MADD: variants seen among roughly 807,000 people sequenced by gnomAD.
MADD encodes MAP kinase activating death domain.
Under a neutral mutation model 176.7 loss-of-function variants are expected in MADD, and 109 were observed. The observed-to-expected ratio is 0.62, with a 90% CI of 0.53 to 0.72. The LOEUF (loss-of-function observed/expected upper bound fraction) is 0.72. Among genes scored for constraint, MADD ranks in the 30% least tolerant of loss-of-function variants. The pLI, the probability that MADD is intolerant of heterozygous loss-of-function variation, is 0.00. For synonymous variants in MADD, 771 were observed against 771.3 expected (o/e 1.00, Z 0.01); for missense variants, 1,914 against 2,045.5 (o/e 0.94, Z 1.24).
intron 27 of MADD, among the ~76,000 whole-genome samples, chr11:47,317,485 T>C (rs2141485622): frequency 6.6e-6 from 1 of 152,344 alleles, no homozygotes; most frequent in East Asian, 1.9e-4. Context: ...ACATTCTAGA[T>C]TTTTTGCTGA....
At chr11:47,290,666 G>A in exon 19 of MADD, 1 of 1,614,116 alleles carries the variant, frequency 6.2e-7, no homozygotes, top group South Asian at 1.1e-5. Context: ...AGTTGGCAAG[G>A]ATCCTGGCCT....
At chr11:47,328,331 C>G in intron 31 of MADD, 1 of 1,267,680 alleles carries the variant, frequency 7.9e-7, no homozygotes, top group Non-Finnish European at 1.0e-6. Flanking sequence ...GGGCCCTGGA[C>G]AGTAGCTGTG....
intron 26 of MADD, among the ~76,000 whole-genome samples, chr11:47,313,238 C>T (rs2090895284): frequency 6.6e-6 from 1 of 152,070 alleles, no homozygotes; most frequent in African/African-American, 2.4e-5. Context: ...ATTTTTTAAA[C>T]ATTGATTTAA....
At chr11:47,295,185 T>C (rs1314957978) in intron 20 of MADD, among the ~76,000 whole-genome samples, 1 of 152,006 alleles carries the variant, frequency 6.6e-6, no homozygotes, top group East Asian at 1.9e-4. Flanking sequence ...TAAGTTTGTG[T>C]ATTTTTTGTA....
chr11:47,285,481 G>T, exon 14 of MADD: 3 of 1,614,200 alleles, frequency 1.9e-6, no homozygotes, highest in Non-Finnish European at 2.5e-6. Flanking sequence ...CCAACAGCTT[G>T]AGACTGGCAA....
chr11:47,287,782 A>ATTTTTTTTTTTTTTTTTTTTTTTTTT (rs57417064), intron 15 of MADD, among the ~76,000 whole-genome samples: 1 of 55,032 alleles, frequency 1.8e-5, no homozygotes, highest in Non-Finnish European at 3.2e-5. Context: ...AGAAACATGT[A>ATTTTTTTTTTTTTTTTTTTTTTTTTT]TTTTTTTTTT....
At chr11:47,304,280 G>A (rs976649791) in intron 22 of MADD, among the ~76,000 whole-genome samples, 11 of 151,168 alleles carry the variant, frequency 7.3e-5, no homozygotes, top group African/African-American at 2.4e-4. Context: ...GCCTAGGCTG[G>A]AATGCAATGG....
At position 47,295,877 on chromosome 11, in the gene MADD, C is replaced by T. The variant is rs368079549; in HGVS notation, c.3484-20C>T. Reference sequence around the variant, plus strand: ...GCCCATCCCTGGGGACTGTCTCTTACTACCTTTTTTCCTTTCCAGGTGAGT... The same window carrying T: ...GCCCATCCCTGGGGACTGTCTCTTATTACCTTTTTTCCTTTCCAGGTGAGT... On this transcript the variant is annotated intron_variant, in intron 21 of 32. Transcript: ENST00000402192. 6.2e-7 allele frequency: 1 copy of T among 1,605,834 alleles called. No homozygotes were observed. The highest frequency in any genetic ancestry group is 1.1e-5 in the South Asian group (1 of 89,676).
Position 47,292,754 on chromosome 11 carries a change from G to A in MADD, c.3302-1129G>A, listed in dbSNP as rs149497575. ...TAGGTAGCATGTGACTCCTAGGTGTGTGTAGGCCGCTTCTTTCCCCCTCCC... is the reference window on the plus strand; with the variant it reads ...TAGGTAGCATGTGACTCCTAGGTGTATGTAGGCCGCTTCTTTCCCCCTCCC... On this transcript the variant is annotated intron_variant, in intron 19 of 32. Coordinates refer to ENST00000402192, the Ensembl canonical transcript of MADD. 2.2e-3 allele frequency among the ~76,000 whole-genome samples: 332 copies of A among 152,156 alleles called. 3 individuals are homozygous for A. The highest frequency in any genetic ancestry group is 7.5e-3 in the African/African-American group (313 of 41,494).
exon 26 of MADD, chr11:47,311,829 A>T: frequency 6.2e-7 from 1 of 1,612,954 alleles, no homozygotes; most frequent in Non-Finnish European, 8.5e-7. Flanking sequence ...GTGCTTGATC[A>T]GCTGGCGAAC....
chr11:47,285,579 T>C (rs1238388315), exon 14 of MADD: 2 of 1,614,014 alleles, frequency 1.2e-6, no homozygotes, highest in Admixed American at 1.7e-5. Context: ...GGGGGCATCA[T>C]GTCTTTTGCC....
intron 19 of MADD, 94 bp from the exon 22 acceptor site, chr11:47,293,789 G>C: frequency 1.3e-6 from 1 of 778,060 alleles, no homozygotes; most frequent in Non-Finnish European, 2.2e-6. Context: ...TGGGCTGAAC[G>C]GGTCTGGGAA....
intron 27 of MADD, among the ~76,000 whole-genome samples, chr11:47,323,143 C>T (rs1487816875): frequency 6.6e-6 from 1 of 150,792 alleles, no homozygotes. Context: ...GAGGCTGAGG[C>T]AGGAGAATCA....
Position 47,293,868 on chromosome 11 carries a change from TCTTCCC to T in MADD, c.3302-12_3302-7del. 1 of 1,560,536 alleles carries T rather than the reference TCTTCCC, an allele frequency of 6.4e-7. No individual in the cohort carries two copies. Among genetic ancestry groups the T allele is most frequent in the Non-Finnish European group, 8.8e-7 (1 of 1,131,140 alleles). Reference sequence around the variant, plus strand: ...GCCTTTGTGCACGGAGTAACAGAAGTCTTCCCCTACTCAGGGCCTGAAGTAATCAAA... The same window carrying T: ...GCCTTTGTGCACGGAGTAACAGAAGTCTACTCAGGGCCTGAAGTAATCAAA... On this transcript the variant is annotated splice_polypyrimidine_tract_variant and intron_variant, in intron 19 of 32. Transcript: ENST00000402192.
At chr11:47,292,240 C>T (rs968071606) in intron 19 of MADD, among the ~76,000 whole-genome samples, 2 of 152,118 alleles carry the variant, frequency 1.3e-5, no homozygotes, top group African/African-American at 4.8e-5. Context: ...TCTTTAGGAC[C>T]AGTTCCTCAT....
chr11:47,283,873 A>G (rs899767486), intron 10 of MADD, among the ~76,000 whole-genome samples: 1 of 152,054 alleles, frequency 6.6e-6, no homozygotes, highest in African/African-American at 2.4e-5. Flanking sequence ...GCACCCGGCT[A>G]CTTTTTGTAT....
intron 19 of MADD, 27 bp from the exon 22 acceptor site, chr11:47,293,856 G>T: frequency 6.8e-7 from 1 of 1,465,890 alleles, no homozygotes; most frequent in South Asian, 1.1e-5. Flanking sequence ...TTTGTGCACG[G>T]AGTAACAGAA....
chr11:47,316,673 G>A (rs2093120840), intron 27 of MADD, among the ~76,000 whole-genome samples: 2 of 152,126 alleles, frequency 1.3e-5, no homozygotes, highest in African/African-American at 4.8e-5. Context: ...ATAGGCGTGA[G>A]CCGGTGCACC....
chr11:47,280,141 C>T (rs965833626), intron 7 of MADD, among the ~76,000 whole-genome samples: 2 of 152,120 alleles, frequency 1.3e-5, no homozygotes, highest in African/African-American at 2.4e-5. Flanking sequence ...TTTCTTCTTC[C>T]TCTGCATGCT....
Sources: allele counts gnomAD v4.1 joint callset (sites outside exome capture counted in the v4.1 genomes callset), GRCh38; gene constraint gnomAD v4.1.1; transcripts MANE v1.5; gene names NCBI Gene and HGNC (gene_info 2026-07-23, HGNC 2026-07-21).